The following VPS37C variants were observed in gnomAD, a reference collection of about 807,000 sequenced individuals.
VPS37C encodes vacuolar protein sorting-associated protein 37C.
A neutral mutation model predicts 16.1 loss-of-function variants in VPS37C; 9 were observed. The ratio of observed to expected loss-of-function variants is 0.56; its 90% CI spans 0.34 to 0.97. The LOEUF (loss-of-function observed/expected upper bound fraction) is 0.97. VPS37C is among the 50% of genes least tolerant of loss of function. The pLI, the probability that VPS37C is intolerant of heterozygous loss-of-function variation, is 0.02. For synonymous variants in VPS37C, 207 were observed against 206.4 expected, an observed-to-expected ratio of 1.00 and a Z score of -0.02; for missense variants, 479 against 472.7, an observed-to-expected ratio of 1.01 and a Z score of -0.12.
Position 61,134,250 on chromosome 11 carries a change from C to T in VPS37C, c.94-43G>A, listed in dbSNP as rs150525540. On this transcript the variant is annotated intron_variant, in intron 2 of 4. Coordinates refer to ENST00000301765, the MANE Select transcript of VPS37C (RefSeq NM_017966.5). ...CAGAACCTAAGGAAAACGTCCATCA[C>T]CCTTAACCTCCTGGCAGCCTGGGTC... The T allele has an allele frequency of 4.2e-4, 661 of 1,578,844 alleles. 2 individuals are homozygous for T. In the African/African-American group the frequency reaches 7.7e-3, roughly 18 times the overall value.
intron 1 of VPS37C, among the ~76,000 whole-genome samples, chr11:61,140,192 G>A (rs768832818): frequency 2.0e-5 from 3 of 152,156 alleles, no homozygotes; most frequent in African/African-American, 4.8e-5. Flanking sequence ...CTGAGAAAGC[G>A]TTCTAGAATC....
intron 1 of VPS37C, among the ~76,000 whole-genome samples, chr11:61,146,874 G>A (rs1005405772): frequency 1.3e-5 from 2 of 152,184 alleles, no homozygotes; most frequent in African/African-American, 4.8e-5. Flanking sequence ...CAACCCCAGT[G>A]GCCTACAAAG....
At position 61,132,230 on chromosome 11, in the gene VPS37C, G is replaced by T; in HGVS notation, c.658C>A (p.His220Asn). The T allele has an allele frequency of 6.6e-7, 1 of 1,515,800 alleles. No homozygotes were observed. The highest frequency in any genetic ancestry group is 8.8e-7 in the Non-Finnish European group (1 of 1,131,800). The allele number at this position is 1,515,800 out of a possible 1,614,324, so 93.9% of individuals were successfully genotyped here. The change falls in exon 5 of 5, where the codon CAT (histidine) becomes AAT (asparagine). Residue 220 changes from histidine (H) to asparagine (N), a missense_variant. By Grantham distance (68) the His-to-Asn change is moderately conservative. Coordinates refer to ENST00000301765, the MANE Select transcript of VPS37C (RefSeq NM_017966.5). ...SPSLPVGPTA[H>N]GALPPAPFPV... The stretch of plus-strand genomic sequence containing the variant: ...AAAGGGGCCGGTGGCAGGGCTCCAT[G>T]GGCAGTGGGGCCCACAGGCAGGCTG...
intron 1 of VPS37C, among the ~76,000 whole-genome samples, chr11:61,139,744 T>TTTTG (rs71471811): frequency 0.014 from 1,268 of 87,756 alleles, 21 homozygotes; most frequent in East Asian, 0.11. Flanking sequence ...TCCATAGCTT[T>TTTTG]TTTTTTTTTT....
intron 3 of VPS37C, among the ~76,000 whole-genome samples, 198 bp from the exon 4 acceptor site, chr11:61,133,535 T>C (rs1861310750): frequency 6.6e-6 from 1 of 152,156 alleles, no homozygotes; most frequent in Admixed American, 6.5e-5. Flanking sequence ...GAACCTAGCC[T>C]AGACCTTGGC....
intron 1 of VPS37C, among the ~76,000 whole-genome samples, chr11:61,141,411 A>G (rs1861470807): frequency 6.6e-6 from 1 of 151,982 alleles, no homozygotes; most frequent in Non-Finnish European, 1.5e-5. Context: ...CTAGAGCTAG[A>G]GCAGGGAAAG....
chr11:61,137,110 AC>A (rs1861390358), intron 2 of VPS37C, among the ~76,000 whole-genome samples: 1 of 152,050 alleles, frequency 6.6e-6, no homozygotes, highest in African/African-American at 2.4e-5. Flanking sequence ...CTGGCCCCCA[AC>A]CCAAAGCAGC....
chr11:61,133,218 C>A, intron 4 of VPS37C, 37 bp downstream of exon 4: 1 of 1,609,310 alleles, frequency 6.2e-7, no homozygotes, highest in Non-Finnish European at 8.5e-7. Context: ...GACTGACACC[C>A]CGTCCAGGGA....
At chr11:61,155,309 C>T (rs898192385) in intron 1 of VPS37C, among the ~76,000 whole-genome samples, 5 of 151,862 alleles carry the variant, frequency 3.3e-5, no homozygotes, top group Admixed American at 2.0e-4. Context: ...CATAGCAAGA[C>T]CCTATCTCTA....
chr11:61,151,961 T>A (rs1465681351), intron 1 of VPS37C, among the ~76,000 whole-genome samples: 1 of 152,236 alleles, frequency 6.6e-6, no homozygotes, highest in South Asian at 2.1e-4. Context: ...CTTCCACTTG[T>A]ATCTCCTTTG....
chr11:61,135,259 T>C (rs2154678), intron 2 of VPS37C, among the ~76,000 whole-genome samples: 100,460 of 152,192 alleles, frequency 0.66, 34,942 homozygotes, highest in East Asian at 1. Flanking sequence ...AGGCTACCCC[T>C]TCTGCTGTCC....
chr11:61,134,527 C>A (rs1295029571), intron 2 of VPS37C, among the ~76,000 whole-genome samples: 2 of 152,114 alleles, frequency 1.3e-5, no homozygotes, highest in Admixed American at 1.3e-4. Context: ...AGGGGGTGGA[C>A]CAATTTACAT....
At chr11:61,151,520 C>T (rs1389872706) in intron 1 of VPS37C, among the ~76,000 whole-genome samples, 4 of 152,178 alleles carry the variant, frequency 2.6e-5, no homozygotes, top group Non-Finnish European at 4.4e-5. Context: ...AATCTCTGTG[C>T]CTCAGTGTCT....
rs751128579 is a variant in VPS37C at position 61,132,244 on chromosome 11, A to T, written c.644T>A (p.Val215Glu). Residue 215 changes from valine to glutamate, a missense_variant, in exon 5 of 5, where the codon GTG becomes GAG. Val to Glu is a moderately radical substitution (Grantham distance 121). Coordinates refer to ENST00000301765, the MANE Select transcript of VPS37C (RefSeq NM_017966.5). The stretch of plus-strand genomic sequence containing the variant: ...CAGGGCTCCATGGGCAGTGGGGCCC[A>T]CAGGCAGGCTGGGGGATGGGCTGTA... ...LPYSPSPSLP[V>E]GPTAHGALPP... 9.2e-6 allele frequency: 14 copies of T among 1,521,172 alleles called. No homozygotes were observed. In the Admixed American group the frequency reaches 3.0e-4, roughly 33 times the overall value. 94.2% of individuals were successfully genotyped at this position (1,521,172 alleles called of 1,614,324 possible).
At chr11:61,146,405 T>A (rs1239910046) in intron 1 of VPS37C, among the ~76,000 whole-genome samples, 1 of 152,214 alleles carries the variant, frequency 6.6e-6, no homozygotes, top group East Asian at 1.9e-4. Flanking sequence ...ATACTCACAA[T>A]AATTCATCAT....
intron 1 of VPS37C, among the ~76,000 whole-genome samples, chr11:61,149,947 G>A (rs975355997): frequency 2.6e-5 from 4 of 152,146 alleles, no homozygotes; most frequent in South Asian, 2.1e-4. Context: ...AGCCGGCTGG[G>A]AGGCTCTATC....
chr11:61,153,577 C>A (rs113499057), intron 1 of VPS37C, among the ~76,000 whole-genome samples: 241 of 152,010 alleles, frequency 1.6e-3, no homozygotes, highest in African/African-American at 5.4e-3. Flanking sequence ...AACTAAAAAG[C>A]CAGACAAAGC....
At chr11:61,153,324 C>T (rs78276362) in intron 1 of VPS37C, among the ~76,000 whole-genome samples, 1,602 of 152,316 alleles carry the variant, frequency 0.011, 32 homozygotes, top group African/African-American at 0.037. Context: ...GCCATTAAGA[C>T]GAACGCACTT....
intron 1 of VPS37C, chr11:61,144,045 T>A (rs1861518459): frequency 1.3e-5 from 2 of 149,874 alleles, no homozygotes; most frequent in African/African-American, 4.9e-5. Flanking sequence ...CTTGGCTCAC[T>A]GCAAGCTCCG....
Sources: gnomAD v4.1 joint callset for allele counts (sites outside exome capture counted in the v4.1 genomes callset) on GRCh38, gnomAD v4.1.1 for gene constraint, MANE v1.5 for transcripts, NCBI Gene and HGNC (gene_info 2026-07-23, HGNC 2026-07-21) for gene names.